Variants in ASTN1 observed in about 807,000 individuals in gnomAD.
ASTN1 encodes the protein astrotactin-1.
A neutral mutation model predicts 140.7 loss-of-function variants in ASTN1; 41 were observed. That is an observed-to-expected ratio of 0.29 (90% CI 0.23 to 0.38). ASTN1 has a LOEUF of 0.38. Ranked by LOEUF, ASTN1 falls within the 10% of genes least tolerant of loss-of-function variation. The probability of loss-of-function intolerance (pLI) is 1.00; values close to 1 mark genes in which losing one functional copy is unlikely to be tolerated. For missense variants in ASTN1, 1,479 were observed against 1,678.8 expected (o/e 0.88, Z 2.08); for synonymous variants, 640 against 652.2 (o/e 0.98, Z 0.29).
chr1:176,980,950 A>G (rs1673584608), intron 8 of ASTN1, among the ~76,000 whole-genome samples: 2 of 152,062 alleles, frequency 1.3e-5, no homozygotes, highest in African/African-American at 4.8e-5. Context: ...GCTGGCTCAC[A>G]TCTGTAATCT....
intron 1 of ASTN1, among the ~76,000 whole-genome samples, chr1:177,068,274 A>T (rs1678463251): frequency 6.6e-6 from 1 of 152,164 alleles, no homozygotes; most frequent in African/African-American, 2.4e-5. Context: ...ATGGCCACAG[A>T]ACTATGTGGA....
chr1:176,909,385 T>G (rs1181138516), intron 16 of ASTN1, among the ~76,000 whole-genome samples: 17 of 152,228 alleles, frequency 1.1e-4, no homozygotes, highest in Admixed American at 1.0e-3. Flanking sequence ...CATGCTTGTT[T>G]AGAATGACAT....
chr1:177,115,968 C>T (rs920017643), intron 1 of ASTN1, among the ~76,000 whole-genome samples: 6 of 152,064 alleles, frequency 3.9e-5, no homozygotes, highest in African/African-American at 1.2e-4. Flanking sequence ...TTTTAGAATA[C>T]GGTTAATATC....
Position 176,996,306 on chromosome 1 carries a change from C to G in ASTN1, c.1523+18485G>C, listed in dbSNP as rs1054315343. Among the ~76,000 whole-genome samples, 452 of 139,576 alleles carry G rather than the reference C, an allele frequency of 3.2e-3. 4 individuals carry two copies. Among genetic ancestry groups the G allele is most frequent in the South Asian group, 0.017 (76 of 4,394 alleles). The allele number at this position is 139,576 out of a possible 152,430, so 91.6% of individuals were successfully genotyped here. On this transcript the variant is annotated intron_variant, in intron 8 of 22. Coordinates refer to ENST00000361833, the MANE Select transcript of ASTN1 (RefSeq NM_004319.3). ...TCTCTCTCTCACACACACACACACA[C>G]ACACAGAGAGAGAGAGAGAGACAGA...
intron 8 of ASTN1, among the ~76,000 whole-genome samples, chr1:177,013,683 T>C (rs1675405263): frequency 6.6e-6 from 1 of 152,216 alleles, no homozygotes; most frequent in African/African-American, 2.4e-5. Flanking sequence ...CCTGTCAAGC[T>C]GCAAACACAT....
At chr1:176,883,289 G>A (rs1185253294) in intron 19 of ASTN1, among the ~76,000 whole-genome samples, 1 of 147,524 alleles carries the variant, frequency 6.8e-6, no homozygotes, top group African/African-American at 2.5e-5. Flanking sequence ...CTAGAGTGCA[G>A]TGGCGCGATC....
chr1:176,915,400 C>T (rs1296557384), intron 16 of ASTN1, among the ~76,000 whole-genome samples: 1 of 152,124 alleles, frequency 6.6e-6, no homozygotes, highest in African/African-American at 2.4e-5. Flanking sequence ...AACCCTCCTC[C>T]CCTCCTTGCA....
chr1:176,979,400 C>T (rs1673509940), intron 8 of ASTN1, among the ~76,000 whole-genome samples: 1 of 152,192 alleles, frequency 6.6e-6, no homozygotes, highest in South Asian at 2.1e-4. Context: ...AGCTCTTTCC[C>T]TCCCTTCTGA....
intron 1 of ASTN1, among the ~76,000 whole-genome samples, chr1:177,072,121 C>G (rs1678674735): frequency 6.6e-6 from 1 of 152,164 alleles, no homozygotes; most frequent in African/African-American, 2.4e-5. Flanking sequence ...ACTGTGCTGT[C>G]TACCAAACCG....
At chr1:177,014,666 C>T in intron 8 of ASTN1, 125 bp downstream of exon 8, 1 of 756,470 alleles carries the variant, frequency 1.3e-6, no homozygotes. Flanking sequence ...ACATTTTTAC[C>T]CATTTGCTGT....
rs34590604 is a variant in ASTN1, at chr1:176,946,020, G to C, written c.2155C>G (p.Pro719Ala). 6.6e-4 allele frequency: 1,060 copies of C among 1,614,126 alleles called. 7 individuals carry two copies. The African/African-American group carries it at 0.013, about 19-fold the overall frequency. ...GSDCGESREL[P>A]MNQTLFGEMF... ...TCCCCAAAGAGGGTCTGGTTCATGG[G>C]AAGCTCCCTGCTTTCCCCACAGTCA... is the stretch of plus-strand genomic sequence containing the variant. Residue 719 changes from proline (P) to alanine (A), a missense_variant, in exon 13 of 23, where the codon CCC (proline) becomes GCC (alanine). By Grantham distance (27) the Pro-to-Ala change is conservative. Transcript: ENST00000361833.
chr1:176,955,137 C>A (rs984755397), intron 11 of ASTN1, among the ~76,000 whole-genome samples: 3 of 152,130 alleles, frequency 2.0e-5, no homozygotes, highest in Non-Finnish European at 4.4e-5. Context: ...TAAAAATAGG[C>A]CTTTCTTGGG....
At chr1:177,033,123 CTGTGTGTG>C (rs10603141) in intron 2 of ASTN1, among the ~76,000 whole-genome samples, 1 of 146,320 alleles carries the variant, frequency 6.8e-6, no homozygotes, top group East Asian at 2.1e-4. Context: ...AGAAACAAGT[CTGTGTGTG>C]TGTGTGTGTG....
intron 2 of ASTN1, among the ~76,000 whole-genome samples, chr1:177,041,877 T>G (rs1186587579): frequency 6.6e-6 from 1 of 152,170 alleles, no homozygotes; most frequent in African/African-American, 2.4e-5. Context: ...GATAGCTCCA[T>G]AGGTAGCAAC....
chr1:176,972,036 C>A (rs1353742536), intron 8 of ASTN1, among the ~76,000 whole-genome samples: 2 of 152,068 alleles, frequency 1.3e-5, no homozygotes, highest in Admixed American at 6.6e-5. Flanking sequence ...TATAGTATAA[C>A]CTATTGCTCC....
chr1:176,954,926 A>G (rs1672336989), intron 11 of ASTN1, among the ~76,000 whole-genome samples: 1 of 152,242 alleles, frequency 6.6e-6, no homozygotes, highest in East Asian at 1.9e-4. Context: ...GAGTCCATGC[A>G]TAACTGAGAA....
chr1:177,035,851 G>A (rs1676689516), intron 2 of ASTN1, among the ~76,000 whole-genome samples: 1 of 152,140 alleles, frequency 6.6e-6, no homozygotes, highest in South Asian at 2.1e-4. Context: ...TTAACCATGT[G>A]TGGAGCCTAG....
chr1:176,934,388 G>C (rs556012495), intron 15 of ASTN1, 48 bp from the exon 16 acceptor site: 19 of 1,526,548 alleles, frequency 1.2e-5, no homozygotes, highest in Non-Finnish European at 1.6e-5. Context: ...TCAGATTTTG[G>C]GTATACGGAT....
At chr1:177,057,413 A>G (rs1175702592) in intron 2 of ASTN1, among the ~76,000 whole-genome samples, 1 of 152,218 alleles carries the variant, frequency 6.6e-6, no homozygotes, top group African/African-American at 2.4e-5. Flanking sequence ...ATTTTGTGTT[A>G]AAACAAAACA....
Sources: gnomAD v4.1 joint callset for allele counts (sites outside exome capture counted in the v4.1 genomes callset) on GRCh38, gnomAD v4.1.1 for gene constraint, MANE v1.5 for transcripts, NCBI Gene and HGNC (gene_info 2026-07-23, HGNC 2026-07-21) for gene names.